Variants in RIT2 observed in about 807,000 individuals in gnomAD.
RIT2 encodes the protein Ras like without CAAX 2.
RIT2 carries 24 observed loss-of-function variants against 23.7 expected under a neutral mutation model. The ratio of observed to expected loss-of-function variants is 1.01; its 90% CI spans 0.73 to 1.43. RIT2 has a LOEUF of 1.43. Among genes scored for constraint, RIT2 ranks in the 40% most tolerant of loss-of-function variants. The pLI is 0.00. For missense variants in RIT2, 236 were observed against 266.9 expected (o/e 0.88, Z 0.81); for synonymous variants, 107 against 91.1 (o/e 1.17, Z -0.99).
chr18:42,805,092 ATG>A (rs1196697170), intron 4 of RIT2, among the ~76,000 whole-genome samples: 1 of 152,248 alleles, frequency 6.6e-6, no homozygotes, highest in Non-Finnish European at 1.5e-5. Flanking sequence ...TAAATAGTTT[ATG>A]TGAGTTACAT....
intron 1 of RIT2, among the ~76,000 whole-genome samples, chr18:43,076,912 G>C (rs932711319): frequency 6.6e-6 from 1 of 151,584 alleles, no homozygotes; most frequent in East Asian, 2.0e-4. Flanking sequence ...GACCATCCCG[G>C]CTAAAACGGT....
chr18:43,072,193 C>T (rs117605970), intron 1 of RIT2, among the ~76,000 whole-genome samples: 8,326 of 151,956 alleles, frequency 0.055, 312 homozygotes, highest in Non-Finnish European at 0.074. Flanking sequence ...ACCATGTTGG[C>T]GAGGCTGGTC....
rs117928603 is a variant in RIT2 at position 43,050,210 on chromosome 18, G to A, written c.104-16343C>T. Reference sequence around the variant, plus strand: ...ACAGGCTAATTTTTAATTTTTTGGTGTGTAAGGACAGTATCTTACTATGTT... The same window carrying A: ...ACAGGCTAATTTTTAATTTTTTGGTATGTAAGGACAGTATCTTACTATGTT... On this transcript the variant is annotated intron_variant, in intron 1 of 4. Transcript: ENST00000326695. 1.4e-3 allele frequency among the ~76,000 whole-genome samples: 211 copies of A among 151,544 alleles called. 1 individual carries two copies. In the East Asian group the frequency reaches 0.036, roughly 26 times the overall value.
chr18:43,066,808 G>A (rs897573298), intron 1 of RIT2, among the ~76,000 whole-genome samples: 1 of 146,786 alleles, frequency 6.8e-6, no homozygotes, highest in Non-Finnish European at 1.5e-5. Context: ...AAATGAGGTG[G>A]AGCTTTTAAA....
chr18:43,079,309 C>A (rs1913099876), intron 1 of RIT2, among the ~76,000 whole-genome samples: 1 of 151,774 alleles, frequency 6.6e-6, no homozygotes, highest in South Asian at 2.1e-4. Context: ...TGGTTTTGTA[C>A]TAATAAGACT....
intron 1 of RIT2, among the ~76,000 whole-genome samples, chr18:43,072,955 T>A (rs944370396): frequency 2.6e-5 from 4 of 152,190 alleles, no homozygotes; most frequent in African/African-American, 9.7e-5. Flanking sequence ...ACACTCTAGC[T>A]CCCTCTTCTC....
chr18:42,758,534 AAGG>A (rs139121911), intron 4 of RIT2, among the ~76,000 whole-genome samples: 2,606 of 149,094 alleles, frequency 0.017, 76 homozygotes, highest in African/African-American at 0.061. Flanking sequence ...TTATTTTGAG[AAGG>A]AGTTTTTCTC....
At chr18:42,898,369 G>A (rs1908387438) in intron 4 of RIT2, among the ~76,000 whole-genome samples, 1 of 152,130 alleles carries the variant, frequency 6.6e-6, no homozygotes, top group African/African-American at 2.4e-5. Context: ...ACTCCAGCCT[G>A]GGCGACAGAG....
chr18:42,846,626 G>C (rs1906916414), intron 4 of RIT2, among the ~76,000 whole-genome samples: 1 of 151,822 alleles, frequency 6.6e-6, no homozygotes, highest in South Asian at 2.1e-4. Context: ...TTAAAATTTG[G>C]TTTAATATTC....
intron 4 of RIT2, among the ~76,000 whole-genome samples, chr18:42,898,842 T>C (rs1394872505): frequency 3.3e-5 from 5 of 152,110 alleles, no homozygotes; most frequent in Admixed American, 3.3e-4. Flanking sequence ...TCCTCCAATG[T>C]TTTCTTGTAA....
chr18:42,756,418 T>C (rs1304426886), intron 4 of RIT2, among the ~76,000 whole-genome samples: 1 of 152,090 alleles, frequency 6.6e-6, no homozygotes, highest in Non-Finnish European at 1.5e-5. Flanking sequence ...CTCAAAGGCC[T>C]TGTGCTTTTC....
chr18:43,031,068 A>G (rs975700525), intron 2 of RIT2, among the ~76,000 whole-genome samples: 1 of 151,530 alleles, frequency 6.6e-6, no homozygotes, highest in Non-Finnish European at 1.5e-5. Context: ...CCTACATATT[A>G]TACCATTTGC....
intron 4 of RIT2, among the ~76,000 whole-genome samples, chr18:42,830,556 A>T (rs1435876345): frequency 6.6e-6 from 1 of 152,192 alleles, no homozygotes; most frequent in Non-Finnish European, 1.5e-5. Flanking sequence ...CTGGATTAAG[A>T]AGATTAAACT....
At chr18:42,871,994 C>T (rs1472877881) in intron 4 of RIT2, among the ~76,000 whole-genome samples, 1 of 152,068 alleles carries the variant, frequency 6.6e-6, no homozygotes, top group East Asian at 1.9e-4. Context: ...TCAGTCTCAC[C>T]CTTTGCCAGA....
At chr18:42,763,672 T>C (rs1208135430) in intron 4 of RIT2, among the ~76,000 whole-genome samples, 1 of 152,170 alleles carries the variant, frequency 6.6e-6, no homozygotes, top group East Asian at 1.9e-4. Flanking sequence ...ATTAAATTAA[T>C]CTCAGCTGAC....
chr18:42,987,463 A>G (rs1038052490), intron 2 of RIT2, among the ~76,000 whole-genome samples: 30 of 152,186 alleles, frequency 2.0e-4, no homozygotes, highest in Non-Finnish European at 3.2e-4. Flanking sequence ...AGGGACAAAC[A>G]AAAGTTATCG....
intron 2 of RIT2, among the ~76,000 whole-genome samples, chr18:43,031,773 G>T (rs2144281724): frequency 6.6e-6 from 1 of 152,156 alleles, no homozygotes; most frequent in East Asian, 1.9e-4. Context: ...TCAGTCAGTA[G>T]GGTAACAAAC....
intron 2 of RIT2, among the ~76,000 whole-genome samples, chr18:42,990,474 G>C (rs1170338826): frequency 2.0e-5 from 3 of 152,076 alleles, no homozygotes; most frequent in African/African-American, 7.2e-5. Context: ...TGCCTATGAG[G>C]GCTTTCTGCA....
chr18:43,114,473 C>T (rs1388298740), intron 1 of RIT2, among the ~76,000 whole-genome samples: 2 of 152,014 alleles, frequency 1.3e-5, no homozygotes, highest in African/African-American at 4.8e-5. Context: ...ACTAAAACTA[C>T]TGATTTGTTT....
Sources: gnomAD v4.1 joint callset for allele counts (sites outside exome capture counted in the v4.1 genomes callset) on GRCh38, gnomAD v4.1.1 for gene constraint, MANE v1.5 for transcripts, NCBI Gene and HGNC (gene_info 2026-07-23, HGNC 2026-07-21) for gene names.